The following TUSC3 variants were observed in gnomAD, a reference collection of about 807,000 sequenced individuals.
TUSC3 encodes the protein tumor suppressor candidate 3.
Under a neutral mutation model 44.8 loss-of-function variants are expected in TUSC3, and 45 were observed. The observed-to-expected ratio is 1.00, with a 90% CI of 0.79 to 1.29. TUSC3 has a LOEUF of 1.29. Among genes scored for constraint, TUSC3 ranks in the 50% most tolerant of loss-of-function variants. The probability of loss-of-function intolerance (pLI) is 0.00; values close to 1 mark genes in which losing one functional copy is unlikely to be tolerated. For missense variants in TUSC3, 519 were observed against 437.9 expected (o/e 1.19, Z -1.65); for synonymous variants, 212 against 152.9 (o/e 1.39, Z -2.85).
rs546410992 is a variant in TUSC3 at position 15,423,877 on chromosome 8, G to A, written n.91+6572G>A. 4.6e-5 allele frequency among the ~76,000 whole-genome samples: 7 copies of A among 151,490 alleles called. No homozygotes were observed. In the South Asian group the frequency reaches 8.4e-4, roughly 18 times the overall value. On this transcript the variant is annotated intron_variant and non_coding_transcript_variant, in intron 1 of 5. Coordinates refer to the TUSC3 transcript ENST00000503191. ...GTTTGTTTCTCTATTGAGAGAAGGC[G>A]GGATTACCCCTGTTGTGTGGGGCTT...
intron 2 of TUSC3, among the ~76,000 whole-genome samples, chr8:15,520,721 C>T (rs1801285769): frequency 6.6e-6 from 1 of 152,314 alleles, no homozygotes; most frequent in African/African-American, 2.4e-5. Flanking sequence ...CAATTCCGTT[C>T]TCCACCTTGT....
Position 15,738,827 on chromosome 8 carries a change from C to CTTTTT in TUSC3, c.863-4692_863-4688dup, listed in dbSNP as rs375655033. Among the ~76,000 whole-genome samples the CTTTTT allele has an allele frequency of 1.2e-3, 101 of 87,158 alleles. 1 individual carries two copies. Among genetic ancestry groups the CTTTTT allele is most frequent in the Non-Finnish European group, 1.4e-3 (69 of 47,596 alleles). The allele number at this position is 87,158 out of a possible 152,430, so 57.2% of individuals were successfully genotyped here. On this transcript the variant is annotated intron_variant, in intron 7 of 10. Coordinates refer to ENST00000503731, the MANE Select transcript of TUSC3 (RefSeq NM_006765.4). Reference sequence around the variant, plus strand: ...ACAAAATTACTATTAATATATCTTGCTTTTTTTTTTTTTTTTTTTTTTTGA... The same window carrying CTTTTT: ...ACAAAATTACTATTAATATATCTTGCTTTTTTTTTTTTTTTTTTTTTTTTTTTTGA...
At chr8:15,445,190 G>C (rs917706275) in intron 1 of TUSC3, among the ~76,000 whole-genome samples, 1 of 152,178 alleles carries the variant, frequency 6.6e-6, no homozygotes. Context: ...CCTTGGATTA[G>C]GGATGACTAA....
intron 1 of TUSC3, among the ~76,000 whole-genome samples, chr8:15,607,299 A>G (rs1465722178): frequency 1.3e-5 from 2 of 152,134 alleles, no homozygotes; most frequent in Non-Finnish European, 2.9e-5. Flanking sequence ...GCATACAGTG[A>G]TGGTAGAGAC....
At chr8:15,799,317 G>A in the TUSC3 span, among the ~76,000 whole-genome samples, 2 of 152,088 alleles carry the variant, frequency 1.3e-5, no homozygotes, top group East Asian at 1.9e-4. Context: ...TGGTCCCAAA[G>A]TTTCCTCCTT....
chr8:15,692,016 A>G (rs1808922238), intron 6 of TUSC3, among the ~76,000 whole-genome samples: 1 of 152,108 alleles, frequency 6.6e-6, no homozygotes, highest in South Asian at 2.1e-4. Flanking sequence ...CTTGGCCTCA[A>G]GTGATCCACC....
chr8:15,516,425 A>G (rs1450251893), intron 2 of TUSC3, among the ~76,000 whole-genome samples: 5 of 152,188 alleles, frequency 3.3e-5, no homozygotes, highest in Admixed American at 6.5e-5. Context: ...ATTACCAAGC[A>G]TTACACTTGG....
chr8:15,731,422 A>C (rs1810717615), intron 7 of TUSC3, among the ~76,000 whole-genome samples: 2 of 152,122 alleles, frequency 1.3e-5, no homozygotes, highest in Admixed American at 6.6e-5. Flanking sequence ...TTTGATTACT[A>C]ATATCCTGGT....
chr8:15,751,190 GGGTATTTTA>G (rs1811686143), intron 9 of TUSC3, among the ~76,000 whole-genome samples: 1 of 152,164 alleles, frequency 6.6e-6, no homozygotes, highest in South Asian at 2.1e-4. Context: ...AAGGCAATCA[GGGTATTTTA>G]GGTAATGGGA....
At chr8:15,786,266 C>G in the TUSC3 span, among the ~76,000 whole-genome samples, 886 of 152,308 alleles carry the variant, frequency 5.8e-3, 6 homozygotes, top group African/African-American at 0.02. Context: ...CTTAAACCAT[C>G]TGACACTATC....
In TUSC3 at chr8:15,472,944, A is replaced by T. The variant is rs1192228215; in HGVS notation, n.92-10442A>T. ...TTGGTCATTTTACAGCTAAGTAAAT[A>T]GACTCTCAGTGAGGTTATGCACCCT... is the stretch of plus-strand genomic sequence containing the variant. On this transcript the variant is annotated intron_variant and non_coding_transcript_variant, in intron 1 of 5. Coordinates refer to the TUSC3 transcript ENST00000503191. Among the ~76,000 whole-genome samples, 4 of 152,226 alleles carry T rather than the reference A, an allele frequency of 2.6e-5. No individual in the cohort carries two copies. In the East Asian group the frequency reaches 7.7e-4, roughly 29 times the overall value.
Position 15,425,781 on chromosome 8 carries a change from GTTA to G in TUSC3, n.91+8479_91+8481del, listed in dbSNP as rs369200858. On this transcript the variant is annotated intron_variant and non_coding_transcript_variant, in intron 1 of 5. Coordinates refer to the TUSC3 transcript ENST00000503191. ...TTAACCATCCCTGTGAAAAACAGGG[GTTA>G]TTCCAAGCGGCCTGATGACTTAGAC... Among the ~76,000 whole-genome samples the G allele has an allele frequency of 3.4e-4, 52 of 152,310 alleles. 1 individual carries two copies. Among genetic ancestry groups the G allele is most frequent in the African/African-American group, 1.2e-3 (51 of 41,560 alleles).
At chr8:15,797,562 G>C in the TUSC3 span, among the ~76,000 whole-genome samples, 1 of 152,124 alleles carries the variant, frequency 6.6e-6, no homozygotes, top group Non-Finnish European at 1.5e-5. Context: ...ATTCTGACTT[G>C]GCAACATGAC....
In TUSC3 at chr8:15,668,010, T is replaced by G. The variant is rs779156968; in HGVS notation, c.708+5714T>G. 3.3e-5 allele frequency among the ~76,000 whole-genome samples: 5 copies of G among 151,798 alleles called. 1 individual carries two copies. The South Asian group carries it at 1.0e-3, about 31-fold the overall frequency. On this transcript the variant is annotated intron_variant, in intron 5 of 10. Transcript: ENST00000503731. ...ACAGGGCTATGGCAACCTCTAGATG[T>G]GAGAAAGATAACATGTGGTTATGTT...
At chr8:15,669,816 C>G (rs1012430373) in intron 5 of TUSC3, among the ~76,000 whole-genome samples, 10 of 151,570 alleles carry the variant, frequency 6.6e-5, no homozygotes, top group Non-Finnish European at 1.5e-4. Flanking sequence ...TACTGGGACC[C>G]TGAGCATTGC....
At chr8:15,602,811 T>C (rs992591962) in intron 1 of TUSC3, among the ~76,000 whole-genome samples, 1 of 151,442 alleles carries the variant, frequency 6.6e-6, no homozygotes, top group African/African-American at 2.4e-5. Flanking sequence ...TCACATGTTA[T>C]TAATTGTATT....
At chr8:15,505,660 A>T (rs753101385) in intron 2 of TUSC3, among the ~76,000 whole-genome samples, 5 of 152,226 alleles carry the variant, frequency 3.3e-5, no homozygotes, top group Non-Finnish European at 7.3e-5. Flanking sequence ...AGCAGGTCTG[A>T]AGTGGGGTCA....
chr8:15,479,576 C>G (rs564986508), intron 1 of TUSC3, among the ~76,000 whole-genome samples: 47 of 152,016 alleles, frequency 3.1e-4, no homozygotes, highest in Non-Finnish European at 5.6e-4. Context: ...TAAGGTTTGT[C>G]AAAGATCAGA....
At chr8:15,786,966 G>T in the TUSC3 span, among the ~76,000 whole-genome samples, 8 of 99,106 alleles carry the variant, frequency 8.1e-5, no homozygotes, top group East Asian at 6.6e-4. Flanking sequence ...AAAAAAAAAA[G>T]ACTAGAGTGG....
Sources: allele counts gnomAD v4.1 joint callset (sites outside exome capture counted in the v4.1 genomes callset), GRCh38; gene constraint gnomAD v4.1.1; transcripts MANE v1.5; gene names NCBI Gene and HGNC (gene_info 2026-07-23, HGNC 2026-07-21).